Variants in GRM1 observed in about 807,000 individuals in gnomAD.
GRM1 encodes metabotropic glutamate receptor 1.
In GRM1, 33 loss-of-function variants were observed where a neutral mutation model predicts 90.9. The ratio of observed to expected loss-of-function variants is 0.36; its 90% CI spans 0.28 to 0.49. GRM1 has a LOEUF of 0.49. GRM1 is among the 20% of genes least tolerant of loss of function. GRM1 has a pLI of 0.99. For missense variants in GRM1, 1,190 were observed against 1,534.3 expected (o/e 0.78, Z 3.75); for synonymous variants, 700 against 613.2 (o/e 1.14, Z -2.09).
intron 2 of GRM1, among the ~76,000 whole-genome samples, chr6:146,212,302 G>C (rs1779709897): frequency 6.6e-6 from 1 of 152,200 alleles, no homozygotes; most frequent in African/African-American, 2.4e-5. Context: ...TGATCCATGT[G>C]AATAGCAAAT....
At chr6:146,080,362 G>A (rs533418449) in intron 1 of GRM1, among the ~76,000 whole-genome samples, 14 of 152,128 alleles carry the variant, frequency 9.2e-5, no homozygotes, top group Non-Finnish European at 1.9e-4. Context: ...ATGAAGGGAT[G>A]ATACTACAAA....
At chr6:146,404,684 A>G (rs1234308397) in intron 7 of GRM1, among the ~76,000 whole-genome samples, 2 of 152,234 alleles carry the variant, frequency 1.3e-5, no homozygotes, top group Non-Finnish European at 2.9e-5. Flanking sequence ...TGCATGAAGC[A>G]CGTAGAGAGA....
intron 3 of GRM1, among the ~76,000 whole-genome samples, chr6:146,349,368 A>T: frequency 6.6e-6 from 1 of 151,950 alleles, no homozygotes; most frequent in African/African-American, 2.4e-5. Flanking sequence ...GGCGTGAGCC[A>T]CCACGCCCGG....
chr6:146,429,840 C>T (rs564031688), intron 7 of GRM1, among the ~76,000 whole-genome samples: 5 of 152,196 alleles, frequency 3.3e-5, no homozygotes, highest in Non-Finnish European at 5.9e-5. Context: ...GAGTGAGCCT[C>T]TCTTTCTTAC....
chr6:146,155,383 T>C (rs895925293), intron 1 of GRM1, among the ~76,000 whole-genome samples: 37 of 152,216 alleles, frequency 2.4e-4, no homozygotes, highest in African/African-American at 8.7e-4. Context: ...CTAGAAGCAA[T>C]AGGCTATTCG....
chr6:146,249,422 A>G (rs1274663382), intron 2 of GRM1, among the ~76,000 whole-genome samples: 1 of 152,146 alleles, frequency 6.6e-6, no homozygotes, highest in African/African-American at 2.4e-5. Flanking sequence ...GTTCCAGCTC[A>G]AACAGTGGCT....
chr6:146,126,229 G>T (rs1583038826), intron 1 of GRM1, among the ~76,000 whole-genome samples: 3 of 152,008 alleles, frequency 2.0e-5, no homozygotes, highest in Admixed American at 2.0e-4. Context: ...TCTTGACAAT[G>T]AATGTTTATC....
intron 2 of GRM1, among the ~76,000 whole-genome samples, chr6:146,219,192 G>GT (rs1779973462): frequency 6.6e-6 from 1 of 152,156 alleles, no homozygotes; most frequent in African/African-American, 2.4e-5. Context: ...ATTTGAAGTA[G>GT]TTTTTTAAAA....
At chr6:146,151,224 C>T (rs1777323331) in intron 1 of GRM1, among the ~76,000 whole-genome samples, 1 of 152,148 alleles carries the variant, frequency 6.6e-6, no homozygotes, top group South Asian at 2.1e-4. Context: ...TATAAGATAG[C>T]AGATTCTCCA....
chr6:146,236,805 C>G (rs1780662297), intron 2 of GRM1, among the ~76,000 whole-genome samples: 1 of 152,086 alleles, frequency 6.6e-6, no homozygotes, highest in Non-Finnish European at 1.5e-5. Context: ...GCCTTTCTTG[C>G]AGGGCTGCTG....
chr6:146,168,414 A>G (rs4557542), intron 2 of GRM1, among the ~76,000 whole-genome samples: 14,067 of 151,968 alleles, frequency 0.093, 845 homozygotes, highest in South Asian at 0.15. Flanking sequence ...GTTATTATGT[A>G]TTTTATTTCT....
rs1790621595 is a variant in GRM1, at chr6:146,029,317, C to T, written c.-201C>T. On this transcript the variant is annotated 5_prime_UTR_variant, in exon 1 of 8. Coordinates refer to ENST00000282753, the MANE Select transcript of GRM1 (RefSeq NM_001278064.2). ...TACAAACGCCTCCAGCTTGTAGAGG[C>T]GGTCGTGGAGGACCCAGAGGAGGAG... 3.3e-6 allele frequency: 2 copies of T among 610,900 alleles called. No individual in the cohort carries two copies. The highest frequency in any genetic ancestry group is 4.3e-4 in the Middle Eastern group (1 of 2,310). 37.8% of individuals were successfully genotyped at this position (610,900 alleles called of 1,614,324 possible). A position where few individuals can be genotyped will look rare whatever the true frequency, so the allele number is the denominator to read the frequency against.
chr6:146,370,260 C>T (rs1226801266), intron 5 of GRM1, among the ~76,000 whole-genome samples: 2 of 152,016 alleles, frequency 1.3e-5, no homozygotes, highest in Non-Finnish European at 1.5e-5. Context: ...TTCTTCACCT[C>T]TGTTTCTGCT....
intron 1 of GRM1, among the ~76,000 whole-genome samples, chr6:146,111,090 G>A (rs1439000942): frequency 6.6e-6 from 1 of 152,230 alleles, no homozygotes; most frequent in Non-Finnish European, 1.5e-5. Flanking sequence ...TGGTCTTTGT[G>A]ATTTGGACCA....
chr6:146,089,751 A>G (rs1310256451), intron 1 of GRM1, among the ~76,000 whole-genome samples: 2 of 152,122 alleles, frequency 1.3e-5, no homozygotes, highest in Admixed American at 6.6e-5. Context: ...GTGTAAGCGT[A>G]TCCTTTTTCT....
chr6:146,280,562 A>AT (rs1465725178), intron 2 of GRM1, among the ~76,000 whole-genome samples: 2 of 152,138 alleles, frequency 1.3e-5, no homozygotes, highest in African/African-American at 4.8e-5. Flanking sequence ...GAACACATGC[A>AT]CATTTTCTAC....
chr6:146,275,449 A>T (rs1003227837), intron 2 of GRM1, among the ~76,000 whole-genome samples: 4 of 152,058 alleles, frequency 2.6e-5, no homozygotes, highest in African/African-American at 9.7e-5. Flanking sequence ...AGTTCATTTC[A>T]TGGACTCCTC....
intron 1 of GRM1, among the ~76,000 whole-genome samples, chr6:146,120,698 T>A (rs1470052140): frequency 1.3e-5 from 2 of 152,234 alleles, no homozygotes; most frequent in African/African-American, 2.4e-5. Context: ...GAGATAATCA[T>A]GTGGTTTTTG....
At chr6:146,386,743 C>A in intron 5 of GRM1, 147 bp from the exon 6 acceptor site, 1 of 651,112 alleles carries the variant, frequency 1.5e-6, no homozygotes, top group Non-Finnish European at 2.7e-6. Flanking sequence ...TATACAAATT[C>A]ACATTCTTAA....
Sources: gnomAD v4.1 joint callset for allele counts (sites outside exome capture counted in the v4.1 genomes callset) on GRCh38, gnomAD v4.1.1 for gene constraint, MANE v1.5 for transcripts, NCBI Gene and HGNC (gene_info 2026-07-23, HGNC 2026-07-21) for gene names.